LOC128092252: variants seen among roughly 807,000 people sequenced by gnomAD.
At chr15:50,684,301 G>C in the LOC128092252 span, among the ~76,000 whole-genome samples, 3 of 151,776 alleles carry the variant, frequency 2.0e-5, no homozygotes, top group South Asian at 2.1e-4. Flanking sequence ...TACCACGCCC[G>C]ATTACTGATC....
the LOC128092252 span, among the ~76,000 whole-genome samples, chr15:50,671,489 A>G: frequency 2.0e-5 from 3 of 152,148 alleles, no homozygotes; most frequent in Non-Finnish European, 4.4e-5. Flanking sequence ...TGGTCCCATA[A>G]GATTATAATG....
the LOC128092252 span, among the ~76,000 whole-genome samples, chr15:50,666,384 C>T: frequency 2.0e-5 from 3 of 151,256 alleles, no homozygotes; most frequent in Non-Finnish European, 4.4e-5. Flanking sequence ...GAGGCTGCAG[C>T]GAGCTGTGAT....
chr15:50,686,522 G>C, the LOC128092252 span: 30 of 1,612,622 alleles, frequency 1.9e-5, no homozygotes, highest in Middle Eastern at 3.3e-4. Flanking sequence ...GCCTGCGTGG[G>C]TCCAGTACCA....
chr15:50,655,836 G>A, the LOC128092252 span, among the ~76,000 whole-genome samples: 2 of 151,410 alleles, frequency 1.3e-5, no homozygotes, highest in African/African-American at 2.4e-5. Context: ...CTAAAAGTAC[G>A]AAAATTAGCC....
the LOC128092252 span, among the ~76,000 whole-genome samples, chr15:50,674,692 A>T: frequency 6.6e-6 from 1 of 152,158 alleles, no homozygotes; most frequent in Non-Finnish European, 1.5e-5. Flanking sequence ...AGCTTGAAGA[A>T]ATTCTGTTAG....
At chr15:50,650,423 G>A in the LOC128092252 span, among the ~76,000 whole-genome samples, 2 of 151,490 alleles carry the variant, frequency 1.3e-5, no homozygotes, top group African/African-American at 4.9e-5. Context: ...GACCAGGCAC[G>A]GTGGCTCATG....
At chr15:50,653,978 A>C in the LOC128092252 span, among the ~76,000 whole-genome samples, 1 of 152,206 alleles carries the variant, frequency 6.6e-6, no homozygotes, top group Admixed American at 6.6e-5. Context: ...CTATACCTTA[A>C]GAGGAAGGTC....
chr15:50,679,525 T>TATATTATATATATGTGTATATATATA, the LOC128092252 span, among the ~76,000 whole-genome samples: 1 of 48,896 alleles, frequency 2.0e-5, no homozygotes, highest in Non-Finnish European at 3.9e-5. Flanking sequence ...TATATATATA[T>TATATTATATATATGTGTATATATATA]ATATATATAT....
chr15:50,674,040 G>C, the LOC128092252 span, among the ~76,000 whole-genome samples: 3 of 152,282 alleles, frequency 2.0e-5, no homozygotes, highest in East Asian at 5.8e-4. Flanking sequence ...CCAGGCTGGA[G>C]GGCAATGGCA....
the LOC128092252 span, among the ~76,000 whole-genome samples, chr15:50,684,317 T>C: frequency 2.4e-4 from 36 of 152,138 alleles, no homozygotes; most frequent in Non-Finnish European, 3.2e-4. Flanking sequence ...TGATCAAGTC[T>C]TTAGATTAAC....
the LOC128092252 span, among the ~76,000 whole-genome samples, chr15:50,666,058 T>C: frequency 2.0e-5 from 3 of 151,406 alleles, no homozygotes; most frequent in Admixed American, 6.6e-5. Context: ...TAAAAACATA[T>C]TGAAAGAATA....
chr15:50,682,531 G>T, the LOC128092252 span, among the ~76,000 whole-genome samples: 5 of 148,974 alleles, frequency 3.4e-5, no homozygotes, highest in Non-Finnish European at 5.9e-5. Context: ...AGCCAAGATC[G>T]CACCATTGCA....
the LOC128092252 span, among the ~76,000 whole-genome samples, chr15:50,663,513 T>C: frequency 1.8e-4 from 27 of 152,174 alleles, no homozygotes; most frequent in African/African-American, 6.5e-4. Flanking sequence ...GTCAGAATAA[T>C]TCCATTTAAA....
chr15:50,657,815 G>C, the LOC128092252 span: 11 of 1,610,906 alleles, frequency 6.8e-6, no homozygotes, highest in Admixed American at 1.7e-5. Context: ...CATCCTGGAA[G>C]GCATCTATTG....
At chr15:50,650,826 G>A in the LOC128092252 span, among the ~76,000 whole-genome samples, 6 of 152,188 alleles carry the variant, frequency 3.9e-5, no homozygotes, top group East Asian at 3.8e-4. Flanking sequence ...TCTAAAACTC[G>A]CTAGTGGAAT....
chr15:50,672,147 G>A, the LOC128092252 span, among the ~76,000 whole-genome samples: 12 of 151,870 alleles, frequency 7.9e-5, no homozygotes, highest in Non-Finnish European at 1.2e-4. Context: ...CTCATCTCCC[G>A]GGTTCACGCC....
chr15:50,666,004 ATTT>A, the LOC128092252 span, among the ~76,000 whole-genome samples: 1 of 151,906 alleles, frequency 6.6e-6, no homozygotes, highest in Non-Finnish European at 1.5e-5. Context: ...AAAAATAATA[ATTT>A]AAAAAAAAGG....
the LOC128092252 span, among the ~76,000 whole-genome samples, chr15:50,682,956 G>C: frequency 6.6e-6 from 1 of 151,508 alleles, no homozygotes; most frequent in Non-Finnish European, 1.5e-5. Flanking sequence ...GAGTGCAGTG[G>C]CATGATCTCA....
chr15:50,678,541 T>TAC, the LOC128092252 span, among the ~76,000 whole-genome samples: 681 of 136,516 alleles, frequency 5.0e-3, 3 homozygotes, highest in Admixed American at 0.017. Context: ...TATATATATA[T>TAC]ACACACACAC....
Sources: gnomAD v4.1 joint callset for allele counts (sites outside exome capture counted in the v4.1 genomes callset) on GRCh38, gnomAD v4.1.1 for gene constraint, MANE v1.5 for transcripts.